Variants in RBBP8 observed in about 807,000 individuals in gnomAD.
The protein encoded by RBBP8 is RB binding protein 8, endonuclease, also known as DNA endonuclease RBBP8.
In RBBP8, 88 loss-of-function variants were observed where a neutral mutation model predicts 108.3. The ratio of observed to expected loss-of-function variants is 0.81; its 90% CI spans 0.68 to 0.97. The LOEUF (loss-of-function observed/expected upper bound fraction) is 0.97, where lower values mean the gene tolerates loss of function less well. Ranked by LOEUF, RBBP8 falls within the 50% of genes least tolerant of loss-of-function variation. The pLI, the probability that RBBP8 is intolerant of heterozygous loss-of-function variation, is 0.00. For missense variants in RBBP8, 1,023 were observed against 1,049.0 expected, an observed-to-expected ratio of 0.98 and a Z score of 0.34; for synonymous variants, 332 against 348.2, an observed-to-expected ratio of 0.95 and a Z score of 0.52.
At position 23,026,318 on chromosome 18, in the gene RBBP8, T is replaced by C. The variant is rs1598760989; in HGVS notation, c.*78T>C. 1.4e-5 allele frequency: 16 copies of C among 1,127,726 alleles called. No individual in the cohort carries two copies. In the South Asian group the frequency reaches 1.6e-4, roughly 11 times the overall value. The allele number at this position is 1,127,726 out of a possible 1,614,324, so 69.9% of individuals were successfully genotyped here. A position where few individuals can be genotyped will look rare whatever the true frequency, so the allele number is the denominator to read the frequency against. On this transcript the variant is annotated 3_prime_UTR_variant, in exon 19 of 19. Transcript: ENST00000327155. ...TTATAGTTAAAGTTGGTACTAAACA[T>C]TGATTTTTTTGATCTTCTGTAAATG...
chr18:22,921,886 C>T (rs911831006), intron 3 of RBBP8, among the ~76,000 whole-genome samples: 14 of 152,132 alleles, frequency 9.2e-5, no homozygotes, highest in African/African-American at 3.4e-4. Flanking sequence ...GATCCAAAGA[C>T]TTTATTGTTT....
chr18:22,990,034 GA>G (rs1183272295), intron 9 of RBBP8, among the ~76,000 whole-genome samples: 3 of 152,136 alleles, frequency 2.0e-5, no homozygotes, highest in Non-Finnish European at 4.4e-5. Flanking sequence ...ATTACATATA[GA>G]TTTTTTTGTC....
intron 3 of RBBP8, among the ~76,000 whole-genome samples, chr18:22,948,891 TAGA>T (rs1407052644): frequency 6.6e-6 from 1 of 152,126 alleles, no homozygotes; most frequent in African/African-American, 2.4e-5. Context: ...AAAATAATGA[TAGA>T]GGGGTAAAAT....
chr18:22,980,415 T>G (rs138156660), intron 6 of RBBP8, among the ~76,000 whole-genome samples: 1 of 152,144 alleles, frequency 6.6e-6, no homozygotes, highest in Non-Finnish European at 1.5e-5. Context: ...TGAAGGAGAT[T>G]AGAGAGATAA....
intron 5 of RBBP8, among the ~76,000 whole-genome samples, chr18:22,974,621 G>C (rs781771368): frequency 6.6e-6 from 1 of 152,050 alleles, no homozygotes; most frequent in Non-Finnish European, 1.5e-5. Context: ...CACCATGTCC[G>C]GCTGATTTTT....
upstream of RBBP8, chr18:22,929,444 A>G (rs1909911532): frequency 6.6e-6 from 1 of 150,920 alleles, no homozygotes; most frequent in Non-Finnish European, 1.4e-5. Flanking sequence ...AAAGGTGAGA[A>G]GCAACTGGAT....
At chr18:22,989,347 A>G (rs551410853) in intron 9 of RBBP8, 29 bp downstream of exon 9, 18 of 1,475,782 alleles carry the variant, frequency 1.2e-5, no homozygotes, top group East Asian at 4.6e-5. Flanking sequence ...TGGCAATAAC[A>G]TGAATTAATT....
intron 3 of RBBP8, among the ~76,000 whole-genome samples, chr18:22,921,369 C>G (rs1909586518): frequency 6.6e-6 from 1 of 152,190 alleles, no homozygotes; most frequent in African/African-American, 2.4e-5. Flanking sequence ...TGACTTCCAT[C>G]AGTTAAGAGT....
chr18:23,002,093 A>G (rs1031411252), intron 15 of RBBP8, among the ~76,000 whole-genome samples: 3 of 152,220 alleles, frequency 2.0e-5, no homozygotes, highest in African/African-American at 7.2e-5. Flanking sequence ...ATTAATTGTA[A>G]TAGAGTAGAA....
At chr18:22,979,001 C>A (rs988422446) in intron 6 of RBBP8, among the ~76,000 whole-genome samples, 2 of 152,224 alleles carry the variant, frequency 1.3e-5, no homozygotes, top group Non-Finnish European at 2.9e-5. Flanking sequence ...GGCACAGTGG[C>A]TCATGCCTGT....
At chr18:23,021,690 C>G (rs1017671347) in intron 17 of RBBP8, among the ~76,000 whole-genome samples, 1 of 152,024 alleles carries the variant, frequency 6.6e-6, no homozygotes, top group Non-Finnish European at 1.5e-5. Context: ...TTGAAACACA[C>G]GTTATATTCA....
intron 13 of RBBP8, 117 bp downstream of exon 13, chr18:22,996,579 A>G: frequency 1.4e-6 from 2 of 1,478,216 alleles, no homozygotes; most frequent in East Asian, 2.5e-5. Context: ...CTTAAAACCT[A>G]CATGTATTTA....
chr18:22,921,848 C>T (rs986161443), intron 3 of RBBP8, among the ~76,000 whole-genome samples: 15 of 152,252 alleles, frequency 9.9e-5, no homozygotes, highest in South Asian at 6.2e-4. Flanking sequence ...TTAGTATGTA[C>T]GCTGTAAATA....
chr18:23,006,500 CTCT>C, intron 16 of RBBP8, 68 bp downstream of exon 16: 1 of 1,327,712 alleles, frequency 7.5e-7, no homozygotes, highest in African/African-American at 1.5e-5. Context: ...TTATTTCTCT[CTCT>C]TTTTTCTTTT....
intron 5 of RBBP8, 106 bp from the exon 6 acceptor site, chr18:22,975,047 T>A: frequency 7.6e-7 from 1 of 1,317,922 alleles, no homozygotes; most frequent in Non-Finnish European, 1.0e-6. Flanking sequence ...GATTTAGGAT[T>A]AGAAGTACTA....
At chr18:22,920,330 T>G (rs1909536778) in intron 3 of RBBP8, among the ~76,000 whole-genome samples, 1 of 152,158 alleles carries the variant, frequency 6.6e-6, no homozygotes, top group South Asian at 2.1e-4. Flanking sequence ...AATAGCTAAT[T>G]TGCATAACTC....
At chr18:22,944,209 A>C (rs9963813) in intron 2 of RBBP8, among the ~76,000 whole-genome samples, 14 of 152,244 alleles carry the variant, frequency 9.2e-5, no homozygotes, top group African/African-American at 3.4e-4. Context: ...ATATACACAT[A>C]TAAACCTGTT....
intron 17 of RBBP8, among the ~76,000 whole-genome samples, chr18:23,019,120 T>A (rs1290423935): frequency 6.6e-6 from 1 of 152,228 alleles, no homozygotes; most frequent in Non-Finnish European, 1.5e-5. Context: ...TTCGTGAGTT[T>A]TCATTACACA....
At chr18:22,986,952 C>G (rs1307903922) in intron 8 of RBBP8, among the ~76,000 whole-genome samples, 5 of 152,190 alleles carry the variant, frequency 3.3e-5, no homozygotes, top group Non-Finnish European at 7.4e-5. Context: ...CAGGTCTTTG[C>G]TCCATTATTT....
Sources: allele counts gnomAD v4.1 joint callset (sites outside exome capture counted in the v4.1 genomes callset), GRCh38; gene constraint gnomAD v4.1.1; transcripts MANE v1.5; gene names NCBI Gene and HGNC (gene_info 2026-07-23, HGNC 2026-07-21).